The following GBP2 variants were observed in gnomAD, a reference collection of about 807,000 sequenced individuals.
GBP2 encodes guanylate-binding protein 2.
In GBP2, 54 loss-of-function variants were observed where a neutral mutation model predicts 60.8. The observed-to-expected ratio is 0.89, with a 90% CI of 0.71 to 1.11. The LOEUF (loss-of-function observed/expected upper bound fraction) is 1.11, where lower values mean the gene tolerates loss of function less well. Among genes scored for constraint, GBP2 ranks in the 50% most tolerant of loss-of-function variants. GBP2 has a pLI of 0.00. For missense variants in GBP2, 665 were observed against 703.3 expected (o/e 0.95, Z 0.62); for synonymous variants, 243 against 256.5 (o/e 0.95, Z 0.50).
At position 89,125,850 on chromosome 1, in the gene GBP2, G is replaced by C. The variant is rs1037492808; in HGVS notation, c.-18+13C>G. On this transcript the variant is annotated intron_variant, in intron 1 of 10. Coordinates refer to ENST00000370466, the MANE Select transcript of GBP2 (RefSeq NM_004120.5). ...CCCTGGTAAATATTTTCCCACCCCT[G>C]CCCCAGTCTTACCCAGATCAGAGAT... is the stretch of plus-strand genomic sequence containing the variant. 2.6e-5 allele frequency: 4 copies of C among 152,150 alleles called. No individual in the cohort carries two copies. Among genetic ancestry groups the C allele is most frequent in the African/African-American group, 9.7e-5 (4 of 41,422 alleles). 9.4% of individuals were successfully genotyped at this position (152,150 alleles called of 1,614,324 possible).
At chr1:89,116,761 A>G (rs879298195) in intron 6 of GBP2, among the ~76,000 whole-genome samples, 14 of 151,806 alleles carry the variant, frequency 9.2e-5, no homozygotes, top group South Asian at 2.1e-4. Flanking sequence ...TTACCATAAT[A>G]GAATTCAATT....
rs369047974 is a variant in GBP2, at chr1:89,121,843, C to T, written c.124G>A (p.Ala42Thr). The T allele has an allele frequency of 6.2e-7, 1 of 1,613,320 alleles. No homozygotes were observed. Among genetic ancestry groups the T allele is most frequent in the African/African-American group, 1.3e-5 (1 of 74,868 alleles). ...CCTGTGCGATAGAGGCCCACAATCG[C>T]CACCACCACCACAGGCTGCGTAATT... ...SAITQPVVVVAIVGLYRTGKS... is the reference protein window; with the variant it reads ...SAITQPVVVVTIVGLYRTGKS... The change falls in exon 2 of 11, where the codon GCG (alanine) becomes ACG (threonine). Residue 42 changes from alanine to threonine, a missense_variant. Physicochemically the swap from Ala to Thr is moderately conservative, Grantham distance 58 (BLOSUM62 0). Transcript: ENST00000370466.
At position 89,116,640 on chromosome 1, in the gene GBP2, T is replaced by C. The variant is rs1180754369; in HGVS notation, c.868+352A>G. ...ACAAGAGAATTGTACTGCAGTTAGT[T>C]AGTGGCAAAGTCTCACTTACATATA... is the stretch of plus-strand genomic sequence containing the variant. On this transcript the variant is annotated intron_variant, in intron 6 of 10. Transcript: ENST00000370466. Among the ~76,000 whole-genome samples, 4 of 152,166 alleles carry C rather than the reference T, an allele frequency of 2.6e-5. No homozygotes were observed. The East Asian group carries it at 7.7e-4, about 29-fold the overall frequency.
intron 10 of GBP2, among the ~76,000 whole-genome samples, chr1:89,109,095 A>G (rs1345494785): frequency 6.6e-6 from 1 of 151,996 alleles, no homozygotes; most frequent in African/African-American, 2.4e-5. Context: ...GGGTTTCTCC[A>G]TGTTGGTCAG....
At position 89,114,302 on chromosome 1, in the gene GBP2, A is replaced by C. The variant is rs201569159; in HGVS notation, c.869-6T>G. The C allele has an allele frequency of 3.8e-4, 613 of 1,608,250 alleles. 4 individuals carry two copies. Among genetic ancestry groups the C allele is most frequent in the Non-Finnish European group, 1.4e-4 (166 of 1,175,576 alleles). The stretch of plus-strand genomic sequence containing the variant: ...CAGCACCAGGCTCTCTAGACCTGCA[A>C]AAGGGAATTTTTAAAAAAATGTGAC... On this transcript the variant is annotated splice_region_variant and splice_polypyrimidine_tract_variant and intron_variant, in intron 6 of 10. Coordinates refer to ENST00000370466, the MANE Select transcript of GBP2 (RefSeq NM_004120.5).
At chr1:89,120,070 G>A (rs191809743) in intron 4 of GBP2, 109 bp downstream of exon 4, 1 of 721,478 alleles carries the variant, frequency 1.4e-6, no homozygotes, top group Non-Finnish European at 2.4e-6. Context: ...TTATTAAAGA[G>A]AGGACTTATG....
rs1681076312 is a variant in GBP2, at chr1:89,107,340, G to A, written c.*835C>T. 1.3e-5 allele frequency among the ~76,000 whole-genome samples: 2 copies of A among 152,138 alleles called. No individual in the cohort carries two copies. ...GTCCTGGTCCTCAGAAGAATGGAAA[G>A]TAATTTGAGTTTGAGTTAAAGCTTT... On this transcript the variant is annotated 3_prime_UTR_variant, in exon 11 of 11. Transcript: ENST00000370466.
chr1:89,112,473 T>G lies in GBP2; in HGVS notation c.1361A>C (p.Gln454Pro), dbSNP rs1198426520. The change falls in exon 8 of 11, where the codon CAG becomes CCG. Residue 454 changes from glutamine to proline, a missense_variant and splice_region_variant. Physicochemically the swap from Gln to Pro is moderately conservative, Grantham distance 76. Coordinates refer to ENST00000370466, the MANE Select transcript of GBP2 (RefSeq NM_004120.5). ...AATGGTACCCACCGTGTAGTTTACC[T>G]GTATCCCCTTCCTTGGCACCTGGTA... ...KYYQVPRKGI[Q>P]AKEVLKKYLE... is the part of the protein sequence containing the mutation. 5.6e-6 allele frequency: 9 copies of G among 1,613,576 alleles called. No homozygotes were observed. The highest frequency in any genetic ancestry group is 7.6e-6 in the Non-Finnish European group (9 of 1,179,622).
chr1:89,121,230 T>C lies in GBP2; in HGVS notation c.231A>G (p.Gly77=), dbSNP rs749673549. Residue 77 remains glycine (G), a synonymous_variant, in exon 3 of 11, where the codon GGA becomes GGG. Transcript: ENST00000370466. ...GATGAGGCACACACCACATCCAGAT[T>C]CCCTTGGTGTGAGACTTCACTGTGG... The part of the protein sequence containing the change: ...LGSTVKSHTK[G]IWMWCVPHPK... 1 of 1,611,828 alleles carries C rather than the reference T, an allele frequency of 6.2e-7. No individual in the cohort carries two copies. The highest frequency in any genetic ancestry group is 8.5e-7 in the Non-Finnish European group (1 of 1,178,462).
At chr1:89,121,544 T>G (rs1444090441) in intron 2 of GBP2, among the ~76,000 whole-genome samples, 1 of 152,212 alleles carries the variant, frequency 6.6e-6, no homozygotes, top group Non-Finnish European at 1.5e-5. Context: ...TTTTCTTTAT[T>G]AACATTGTGT....
At chr1:89,109,965 C>T (rs896497703) in intron 9 of GBP2, 95 bp from the exon 10 acceptor site, 3 of 1,229,068 alleles carry the variant, frequency 2.4e-6, no homozygotes, top group South Asian at 1.5e-5. Context: ...ATCCTTACAT[C>T]ATTGAGAAAA....
At position 89,112,657 on chromosome 1, in the gene GBP2, A is replaced by C. The variant is rs769669389; in HGVS notation, c.1177T>G (p.Phe393Val). 3 of 1,614,196 alleles carry C rather than the reference A, an allele frequency of 1.9e-6. No individual in the cohort carries two copies. The South Asian group carries it at 3.3e-5, about 18-fold the overall frequency. ...GAQLEARRDD[F>V]CKQNSKASSD... ...GATGCTTTGGAATTCTGCTTACAAA[A>C]GTCATCTCGCCTTGCTTCCAACTGG... is the stretch of plus-strand genomic sequence containing the variant. Residue 393 changes from phenylalanine to valine, a missense_variant, in exon 8 of 11, where the codon TTT becomes GTT. By Grantham distance (50) the Phe-to-Val change is conservative (BLOSUM62 -1). Coordinates refer to ENST00000370466, the MANE Select transcript of GBP2 (RefSeq NM_004120.5).
intron 9 of GBP2, 131 bp from the exon 10 acceptor site, chr1:89,110,001 C>A: frequency 1.0e-6 from 1 of 976,164 alleles, no homozygotes; most frequent in Non-Finnish European, 1.5e-6. Context: ...CCTTGGGTAA[C>A]CAGAAAACCA....
At chr1:89,121,067 T>C (rs750172558) in intron 3 of GBP2, 76 bp downstream of exon 3, 6 of 1,121,964 alleles carry the variant, frequency 5.3e-6, no homozygotes, top group South Asian at 2.7e-5. Flanking sequence ...TGTGCAAAGA[T>C]GGTTATCGAT....
In GBP2 at chr1:89,106,163, A is replaced by G. The variant is rs940503159; in HGVS notation, c.*2012T>C. On this transcript the variant is annotated 3_prime_UTR_variant, in exon 11 of 11. Transcript: ENST00000370466. ...TCAAATGTTATTTTTTTTTTTAGAA[A>G]AAGAGACTATTCATTTATCTGAGAG... The G allele has an allele frequency of 6.6e-6, 1 of 152,120 alleles. No individual in the cohort carries two copies. The allele number at this position is 152,120 out of a possible 1,614,324, so 9.4% of individuals were successfully genotyped here.
rs985697066 is a variant in GBP2, at chr1:89,108,895, C to A, written c.1660-604G>T. On this transcript the variant is annotated intron_variant, in intron 10 of 10. Coordinates refer to ENST00000370466, the MANE Select transcript of GBP2 (RefSeq NM_004120.5). ...TTAAGTGGGTAGATGGTTAGGGAAT[C>A]TTTCTTTTTTTTTTTTTGAGATGGA... 7.0e-4 allele frequency among the ~76,000 whole-genome samples: 56 copies of A among 80,346 alleles called. 6 individuals are homozygous for A. The highest frequency in any genetic ancestry group is 1.8e-3 in the Admixed American group (14 of 7,858). 52.7% of individuals were successfully genotyped at this position (80,346 alleles called of 152,430 possible). A position where few individuals can be genotyped will look rare whatever the true frequency, so the allele number is the denominator to read the frequency against.
Position 89,108,145 on chromosome 1 carries a change from C to A in GBP2, c.*30G>T. The A allele has an allele frequency of 7.9e-7, 1 of 1,262,012 alleles. No homozygotes were observed. The highest frequency in any genetic ancestry group is 1.2e-6 in the Non-Finnish European group (1 of 867,360). 78.2% of individuals were successfully genotyped at this position (1,262,012 alleles called of 1,614,324 possible). ...CATGTTGTTTCTTGGGGAGAGGGAG[C>A]TGGACAGGCAAATTTTGCTCCTTGG... On this transcript the variant is annotated 3_prime_UTR_variant, in exon 11 of 11. Transcript: ENST00000370466.
At position 89,126,068 on chromosome 1, in the gene GBP2, G is replaced by C. The variant is rs983461982; in HGVS notation, c.-223C>G. 1 of 152,140 alleles carries C rather than the reference G, an allele frequency of 6.6e-6. No homozygotes were observed. Among genetic ancestry groups the C allele is most frequent in the Non-Finnish European group, 1.5e-5 (1 of 68,030 alleles). 9.4% of individuals were successfully genotyped at this position (152,140 alleles called of 1,614,324 possible). Reference sequence around the variant, plus strand: ...GCTCTGTCAATGTCAGAGACCTGACGAGAGACAAGAAAAAGAGGTAACCTC... The same window carrying C: ...GCTCTGTCAATGTCAGAGACCTGACCAGAGACAAGAAAAAGAGGTAACCTC... On this transcript the variant is annotated 5_prime_UTR_variant, in exon 1 of 11. Coordinates refer to ENST00000370466, the MANE Select transcript of GBP2 (RefSeq NM_004120.5).
rs1239203570 is a variant in GBP2, at chr1:89,109,828, AT to A, written c.1507del (p.Met503CysfsTer12). ...KAESAEAAKKMLEEIQKKNEE... is the reference protein window; with the variant it reads ...KAESAEAAKKXLEEIQKKNEE... ...ATTCTTCTTTTGTATTTCCTCCAAC[AT>A]TTTCTTTGCAGCTTCTGCAGATTCA... On this transcript the variant is annotated frameshift_variant, in exon 10 of 11. Coordinates refer to ENST00000370466, the MANE Select transcript of GBP2 (RefSeq NM_004120.5). LOFTEE classifies it high-confidence loss of function. The A allele has an allele frequency of 3.7e-6, 6 of 1,613,688 alleles. No homozygotes were observed. The highest frequency in any genetic ancestry group is 5.1e-6 in the Non-Finnish European group (6 of 1,179,982).
Sources: gnomAD v4.1 joint callset for allele counts (sites outside exome capture counted in the v4.1 genomes callset) on GRCh38, gnomAD v4.1.1 for gene constraint, MANE v1.5 for transcripts, NCBI Gene and HGNC (gene_info 2026-07-23, HGNC 2026-07-21) for gene names.